Variants in CNTN1 observed in about 807,000 individuals in gnomAD.
The protein encoded by CNTN1 is contactin-1.
Under a neutral mutation model 126.4 loss-of-function variants are expected in CNTN1, and 38 were observed. That is an observed-to-expected ratio of 0.30 (90% CI 0.23 to 0.39). The LOEUF (loss-of-function observed/expected upper bound fraction) is 0.39, where lower values mean the gene tolerates loss of function less well. CNTN1 is among the 10% of genes least tolerant of loss of function. The pLI, the probability that CNTN1 is intolerant of heterozygous loss-of-function variation, is 1.00. For synonymous variants in CNTN1, 413 were observed against 422.6 expected (o/e 0.98, Z 0.28); for missense variants, 1,009 against 1,248.4 (o/e 0.81, Z 2.89).
chr12:40,936,486 T>C (rs1019565209), intron 9 of CNTN1, among the ~76,000 whole-genome samples: 5 of 152,150 alleles, frequency 3.3e-5, no homozygotes, highest in African/African-American at 1.2e-4. Context: ...AGGTTTATGT[T>C]ATGAGCAGAA....
At chr12:40,959,849 G>T (rs536826154) in intron 15 of CNTN1, among the ~76,000 whole-genome samples, 2 of 152,160 alleles carry the variant, frequency 1.3e-5, no homozygotes, top group South Asian at 4.1e-4. Context: ...ATAAAGAGCT[G>T]GCTCTTCACT....
chr12:40,909,921 T>C, intron 2 of CNTN1, 152 bp from the exon 3 acceptor site: 2 of 521,270 alleles, frequency 3.8e-6, no homozygotes, highest in Non-Finnish European at 7.0e-6. Flanking sequence ...AAGAAATAAG[T>C]ATCTGCACAG....
chr12:40,919,239 T>C (rs1258180481), intron 4 of CNTN1, among the ~76,000 whole-genome samples: 2 of 152,154 alleles, frequency 1.3e-5, no homozygotes, highest in Non-Finnish European at 2.9e-5. Context: ...GTCTCATATC[T>C]ATATTCCACC....
chr12:40,703,298 A>T (rs1381591543), intron 1 of CNTN1, among the ~76,000 whole-genome samples: 1 of 152,190 alleles, frequency 6.6e-6, no homozygotes, highest in Admixed American at 6.5e-5. Context: ...TTGCTATTTT[A>T]TATAAAAATA....
At chr12:40,714,026 T>G (rs1361800205) in intron 1 of CNTN1, among the ~76,000 whole-genome samples, 2 of 151,954 alleles carry the variant, frequency 1.3e-5, no homozygotes, top group Non-Finnish European at 2.9e-5. Flanking sequence ...ATTTTATTCT[T>G]TGACTATCTA....
intron 1 of CNTN1, among the ~76,000 whole-genome samples, chr12:40,868,885 G>A (rs1266932395): frequency 6.6e-6 from 1 of 152,044 alleles, no homozygotes; most frequent in Non-Finnish European, 1.5e-5. Context: ...GCTTTAAAAA[G>A]AGTTGTCATA....
intron 1 of CNTN1, among the ~76,000 whole-genome samples, chr12:40,765,307 C>T (rs1365338074): frequency 2.6e-5 from 4 of 152,090 alleles, no homozygotes; most frequent in South Asian, 2.1e-4. Context: ...TTTGGCCATG[C>T]GAAGTTTAGA....
At chr12:41,062,509 A>C (rs2121114759) in intron 23 of CNTN1, among the ~76,000 whole-genome samples, 1 of 152,332 alleles carries the variant, frequency 6.6e-6, no homozygotes, top group Middle Eastern at 3.4e-3. Context: ...TGGAAAGAAA[A>C]AAATTATGCA....
intron 1 of CNTN1, among the ~76,000 whole-genome samples, chr12:40,883,186 A>G (rs997423169): frequency 1.3e-4 from 19 of 151,560 alleles, no homozygotes; most frequent in South Asian, 2.1e-4. Context: ...AGGTGATCCT[A>G]ATTTGCATTC....
chr12:40,865,921 G>A (rs905979615), intron 1 of CNTN1, among the ~76,000 whole-genome samples: 2 of 152,124 alleles, frequency 1.3e-5, no homozygotes, highest in Admixed American at 1.3e-4. Context: ...ATATTGACAT[G>A]TAAAATATAT....
intron 14 of CNTN1, among the ~76,000 whole-genome samples, chr12:40,958,444 C>T (rs573038134): frequency 1.3e-5 from 2 of 151,460 alleles, no homozygotes; most frequent in Non-Finnish European, 2.9e-5. Context: ...CATTGAATAA[C>T]TATTAGCTAT....
chr12:41,047,171 T>A (rs1949560588), intron 23 of CNTN1, among the ~76,000 whole-genome samples: 1 of 152,112 alleles, frequency 6.6e-6, no homozygotes, highest in Non-Finnish European at 1.5e-5. Context: ...TGAGATATAA[T>A]CTGTTCATGC....
intron 17 of CNTN1, among the ~76,000 whole-genome samples, chr12:41,008,559 T>C (rs1266743458): frequency 6.6e-6 from 1 of 152,196 alleles, no homozygotes; most frequent in Non-Finnish European, 1.5e-5. Context: ...CCTAGCTAAA[T>C]CTTTCCTGCA....
chr12:40,903,196 G>C (rs2136781365), intron 1 of CNTN1, among the ~76,000 whole-genome samples: 1 of 152,246 alleles, frequency 6.6e-6, no homozygotes, highest in African/African-American at 2.4e-5. Context: ...AGCAGTACCT[G>C]GCATAAGGCC....
chr12:40,875,596 A>G (rs1943640925), intron 1 of CNTN1, among the ~76,000 whole-genome samples: 1 of 152,140 alleles, frequency 6.6e-6, no homozygotes, highest in Non-Finnish European at 1.5e-5. Context: ...GGATCCCATT[A>G]TATAGGATTT....
At chr12:40,898,194 G>A (rs938968619) in intron 1 of CNTN1, among the ~76,000 whole-genome samples, 9 of 152,140 alleles carry the variant, frequency 5.9e-5, no homozygotes, top group Non-Finnish European at 2.9e-5. Context: ...AAAGGAATGA[G>A]ATAATCTGCT....
intron 6 of CNTN1, among the ~76,000 whole-genome samples, chr12:40,926,389 A>C (rs1945696777): frequency 2.0e-5 from 3 of 152,078 alleles, no homozygotes; most frequent in African/African-American, 7.2e-5. Context: ...CAGACTATGG[A>C]AGACCAAGGA....
At chr12:41,026,984 A>G (rs1949050436) in intron 21 of CNTN1, among the ~76,000 whole-genome samples, 1 of 152,150 alleles carries the variant, frequency 6.6e-6, no homozygotes, top group East Asian at 1.9e-4. Flanking sequence ...GATGTTGGCA[A>G]TGAGTGGGAT....
At chr12:41,045,684 T>C (rs1949525731) in intron 23 of CNTN1, among the ~76,000 whole-genome samples, 2 of 152,254 alleles carry the variant, frequency 1.3e-5, no homozygotes, top group East Asian at 1.9e-4. Context: ...TGGGTAAGGC[T>C]AGAAGCCAGG....
Sources: allele counts gnomAD v4.1 joint callset (sites outside exome capture counted in the v4.1 genomes callset), GRCh38; gene constraint gnomAD v4.1.1; transcripts MANE v1.5; gene names NCBI Gene and HGNC (gene_info 2026-07-23, HGNC 2026-07-21).